NAALADL2: variants seen among roughly 807,000 people sequenced by gnomAD.
The protein encoded by NAALADL2 is N-acetylated alpha-linked acidic dipeptidase like 2.
NAALADL2 carries 76 observed loss-of-function variants against 87.2 expected under a neutral mutation model. The observed-to-expected ratio is 0.87, with a 90% CI of 0.72 to 1.05. NAALADL2 has a LOEUF of 1.05. Ranked by LOEUF, NAALADL2 falls within the 50% of genes least tolerant of loss-of-function variation. The pLI, the probability that NAALADL2 is intolerant of heterozygous loss-of-function variation, is 0.00. For missense variants in NAALADL2, 1,089 were observed against 945.8 expected, an observed-to-expected ratio of 1.15 and a Z score of -1.99; for synonymous variants, 354 against 331.0, an observed-to-expected ratio of 1.07 and a Z score of -0.75.
intron 3 of NAALADL2, among the ~76,000 whole-genome samples, chr3:174,775,379 G>A (rs1578875653): frequency 2.0e-5 from 3 of 152,016 alleles, no homozygotes; most frequent in Admixed American, 2.0e-4. Flanking sequence ...ATTCATAAAA[G>A]TGGAATAACA....
intron 2 of NAALADL2, among the ~76,000 whole-genome samples, chr3:175,174,856 A>G (rs576321843): frequency 6.6e-6 from 1 of 151,910 alleles, no homozygotes; most frequent in South Asian, 2.1e-4. Flanking sequence ...ACACACACAC[A>G]CACACACATA....
intron 3 of NAALADL2, among the ~76,000 whole-genome samples, chr3:174,825,956 G>A (rs1217002677): frequency 6.6e-6 from 1 of 152,060 alleles, no homozygotes; most frequent in African/African-American, 2.4e-5. Flanking sequence ...GAACCCTGGA[G>A]GCGGAGCTTG....
intron 3 of NAALADL2, among the ~76,000 whole-genome samples, chr3:174,769,156 T>C (rs1406130395): frequency 1.3e-5 from 2 of 152,078 alleles, no homozygotes; most frequent in East Asian, 3.8e-4. Context: ...TTTCCTTTGA[T>C]GCCTTATTTT....
At chr3:175,728,338 C>T (rs1042274444) in intron 11 of NAALADL2, among the ~76,000 whole-genome samples, 8 of 152,142 alleles carry the variant, frequency 5.3e-5, no homozygotes, top group Admixed American at 4.6e-4. Flanking sequence ...ATTTTAGTCA[C>T]ATTATGGATA....
At chr3:175,241,103 T>A (rs920614275) in intron 3 of NAALADL2, among the ~76,000 whole-genome samples, 5 of 152,254 alleles carry the variant, frequency 3.3e-5, no homozygotes, top group African/African-American at 4.8e-5. Flanking sequence ...TCATTTTTTT[T>A]AAATCTGCAT....
intron 12 of NAALADL2, 123 bp downstream of exon 12, chr3:175,737,522 G>C (rs549388693): frequency 7.9e-6 from 5 of 630,762 alleles, no homozygotes; most frequent in South Asian, 7.8e-5. Flanking sequence ...TTCCTGGAGA[G>C]GCTGATCCTG....
intron 11 of NAALADL2, among the ~76,000 whole-genome samples, chr3:175,657,934 T>C (rs1442720539): frequency 6.6e-6 from 1 of 151,906 alleles, no homozygotes; most frequent in Non-Finnish European, 1.5e-5. Context: ...TGTTGCCAGG[T>C]TACAATCTCT....
intron 11 of NAALADL2, among the ~76,000 whole-genome samples, chr3:175,695,894 G>A (rs548997985): frequency 6.6e-6 from 1 of 152,148 alleles, no homozygotes; most frequent in African/African-American, 2.4e-5. Context: ...AGATTAAAAT[G>A]GCAATACAAT....
chr3:175,605,916 G>A (rs1429500269), intron 10 of NAALADL2, among the ~76,000 whole-genome samples: 1 of 152,096 alleles, frequency 6.6e-6, no homozygotes, highest in Non-Finnish European at 1.5e-5. Context: ...TTGCCCTGTA[G>A]CTCAGTATCC....
At chr3:175,794,400 T>C (rs776593097) in intron 13 of NAALADL2, among the ~76,000 whole-genome samples, 2 of 151,954 alleles carry the variant, frequency 1.3e-5, no homozygotes, top group Non-Finnish European at 2.9e-5. Flanking sequence ...AAAAAAGTAG[T>C]CAACTGTATC....
chr3:175,060,775 C>T (rs1057498813), intron 1 of NAALADL2, among the ~76,000 whole-genome samples: 1 of 152,158 alleles, frequency 6.6e-6, no homozygotes, highest in Non-Finnish European at 1.5e-5. Flanking sequence ...ATTCTGAGTG[C>T]CGTGGCTCAT....
intron 1 of NAALADL2, among the ~76,000 whole-genome samples, chr3:175,094,756 T>TGTG (rs747838814): frequency 0.14 from 18,006 of 129,724 alleles, 1,202 homozygotes; most frequent in East Asian, 0.16. Flanking sequence ...CCAGACACTA[T>TGTG]AGTGTGTGTG....
intron 2 of NAALADL2, among the ~76,000 whole-genome samples, chr3:175,113,234 C>T (rs961541059): frequency 2.0e-5 from 3 of 151,412 alleles, no homozygotes; most frequent in Admixed American, 1.3e-4. Context: ...AAGGACGTTG[C>T]AGAGCTGGTT....
intron 3 of NAALADL2, among the ~76,000 whole-genome samples, chr3:174,739,001 T>A (rs1477193664): frequency 6.6e-6 from 1 of 152,124 alleles, no homozygotes; most frequent in Non-Finnish European, 1.5e-5. Flanking sequence ...AAATTACTGA[T>A]TAGCAGCTTA....
intron 13 of NAALADL2, among the ~76,000 whole-genome samples, chr3:175,797,133 G>GT (rs1351788012): frequency 1.3e-5 from 2 of 151,978 alleles, no homozygotes; most frequent in Non-Finnish European, 2.9e-5. Context: ...GATGTGTGTT[G>GT]TAATTTCATT....
chr3:175,076,050 A>G (rs1716530792), intron 1 of NAALADL2, among the ~76,000 whole-genome samples: 1 of 152,008 alleles, frequency 6.6e-6, no homozygotes, highest in Non-Finnish European at 1.5e-5. Flanking sequence ...CAACATGGCA[A>G]AATTCCGTCT....
At chr3:175,705,137 C>T (rs1394585313) in intron 11 of NAALADL2, among the ~76,000 whole-genome samples, 1 of 151,986 alleles carries the variant, frequency 6.6e-6, no homozygotes, top group Admixed American at 6.6e-5. Context: ...GGAGAGATGG[C>T]TGGAAAGAAG....
intron 8 of NAALADL2, 34 bp downstream of exon 8, chr3:175,467,218 T>G (rs1031260302): frequency 1.9e-6 from 3 of 1,556,108 alleles, no homozygotes; most frequent in Middle Eastern, 1.7e-4. Flanking sequence ...ACAGTGCTTT[T>G]CTTTTCTTAG....
At chr3:175,092,170 T>C (rs9821023) in intron 1 of NAALADL2, among the ~76,000 whole-genome samples, 29,693 of 151,784 alleles carry the variant, frequency 0.2, 3,948 homozygotes, top group African/African-American at 0.38. Flanking sequence ...ATTATTTCTG[T>C]TTGACAAATG....
Sources: allele counts gnomAD v4.1 joint callset (sites outside exome capture counted in the v4.1 genomes callset), GRCh38; gene constraint gnomAD v4.1.1; transcripts MANE v1.5; gene names NCBI Gene and HGNC (gene_info 2026-07-23, HGNC 2026-07-21).